Variants in CCSER1 observed in about 807,000 individuals in gnomAD.
CCSER1 encodes serine-rich coiled-coil domain-containing protein 1.
Under a neutral mutation model 82.0 loss-of-function variants are expected in CCSER1, and 41 were observed. That is an observed-to-expected ratio of 0.50 (90% CI 0.39 to 0.65). The LOEUF (loss-of-function observed/expected upper bound fraction) is 0.65, where lower values mean the gene tolerates loss of function less well. CCSER1 is among the 30% of genes least tolerant of loss of function. The pLI is 0.00. For missense variants in CCSER1, 1,119 were observed against 1,064.2 expected (o/e 1.05, Z -0.72); for synonymous variants, 414 against 383.9 (o/e 1.08, Z -0.92).
At chr4:90,475,827 A>G (rs1764996726) in intron 5 of CCSER1, among the ~76,000 whole-genome samples, 1 of 152,116 alleles carries the variant, frequency 6.6e-6, no homozygotes, top group Non-Finnish European at 1.5e-5. Context: ...TTGTGGGCCA[A>G]TTTGCTAGTC....
intron 10 of CCSER1, among the ~76,000 whole-genome samples, chr4:91,270,647 C>T (rs1741954095): frequency 6.6e-6 from 1 of 152,144 alleles, no homozygotes; most frequent in South Asian, 2.1e-4. Context: ...TATACAGACT[C>T]AGAATCTGGT....
intron 3 of CCSER1, among the ~76,000 whole-genome samples, chr4:90,391,485 T>C (rs867613488): frequency 0.026 from 1,997 of 76,386 alleles, 63 homozygotes; most frequent in African/African-American, 0.069. Flanking sequence ...TATATATATA[T>C]ACACACACAC....
At chr4:91,061,282 A>T (rs1188243062) in intron 9 of CCSER1, among the ~76,000 whole-genome samples, 9 of 135,168 alleles carry the variant, frequency 6.7e-5, no homozygotes, top group South Asian at 2.2e-4. Context: ...AATGCAAATT[A>T]AAAAAAAAAA....
At chr4:91,122,707 G>C (rs1727195531) in intron 10 of CCSER1, among the ~76,000 whole-genome samples, 2 of 151,402 alleles carry the variant, frequency 1.3e-5, no homozygotes, top group African/African-American at 4.9e-5. Flanking sequence ...TTATGAAGAA[G>C]GTCAAAAACA....
intron 10 of CCSER1, among the ~76,000 whole-genome samples, chr4:91,231,071 GATTT>G (rs1738589546): frequency 6.6e-6 from 1 of 151,732 alleles, no homozygotes; most frequent in Non-Finnish European, 1.5e-5. Context: ...ATAAAATAAA[GATTT>G]GATTTAGCTA....
chr4:91,171,997 T>A (rs1732809973), intron 10 of CCSER1, among the ~76,000 whole-genome samples: 1 of 152,060 alleles, frequency 6.6e-6, no homozygotes, highest in Admixed American at 6.6e-5. Context: ...TTCTTTATAT[T>A]CAATAAAAAA....
intron 4 of CCSER1, among the ~76,000 whole-genome samples, chr4:90,431,601 G>A (rs1252146298): frequency 6.6e-6 from 1 of 152,048 alleles, no homozygotes; most frequent in African/African-American, 2.4e-5. Context: ...TCTTTCTGTA[G>A]CTAGGAGAGT....
chr4:90,666,641 T>C (rs1484362426), intron 6 of CCSER1, among the ~76,000 whole-genome samples: 2 of 152,166 alleles, frequency 1.3e-5, no homozygotes, highest in African/African-American at 4.8e-5. Flanking sequence ...CAGATTGCCC[T>C]ATCACGTGCT....
At chr4:90,717,356 TA>T (rs1561006190) in intron 6 of CCSER1, among the ~76,000 whole-genome samples, 1 of 152,028 alleles carries the variant, frequency 6.6e-6, no homozygotes, top group Admixed American at 6.6e-5. Context: ...GAATATATTA[TA>T]AAGAAAAAAG....
chr4:91,481,089 C>A (rs1029980123), intron 10 of CCSER1, among the ~76,000 whole-genome samples: 1 of 131,456 alleles, frequency 7.6e-6, no homozygotes, highest in Non-Finnish European at 1.6e-5. Flanking sequence ...CCCCTGCCTT[C>A]CCTTCCCTTC....
At chr4:90,185,937 A>G (rs996503881) in intron 1 of CCSER1, among the ~76,000 whole-genome samples, 21 of 152,188 alleles carry the variant, frequency 1.4e-4, no homozygotes, top group African/African-American at 4.8e-4. Context: ...GCAGGTGTTC[A>G]GTGCGTTCAC....
At chr4:90,604,990 CTGAG>C (rs1784472744) in intron 5 of CCSER1, among the ~76,000 whole-genome samples, 2 of 142,196 alleles carry the variant, frequency 1.4e-5, no homozygotes, top group South Asian at 4.5e-4. Flanking sequence ...GCAGCGGCAA[CTGAG>C]TGAGCTCCGC....
intron 6 of CCSER1, among the ~76,000 whole-genome samples, chr4:90,654,783 A>G (rs1399408): frequency 0.51 from 77,986 of 151,822 alleles, 20,271 homozygotes; most frequent in Middle Eastern, 0.67. Context: ...CCACAGTAGT[A>G]TAAGTATAAG....
intron 5 of CCSER1, among the ~76,000 whole-genome samples, chr4:90,531,857 A>G (rs1041638052): frequency 7.2e-5 from 11 of 152,186 alleles, no homozygotes; most frequent in Non-Finnish European, 1.3e-4. Flanking sequence ...ATGGCACCAA[A>G]TAAGAAATGT....
intron 10 of CCSER1, among the ~76,000 whole-genome samples, chr4:91,436,850 C>T (rs1015426152): frequency 1.2e-4 from 19 of 152,128 alleles, no homozygotes; most frequent in African/African-American, 4.6e-4. Flanking sequence ...ATGTCTCAAA[C>T]ATCCAGAAAA....
intron 1 of CCSER1, among the ~76,000 whole-genome samples, chr4:90,279,039 A>G (rs1310824072): frequency 6.6e-6 from 1 of 152,036 alleles, no homozygotes; most frequent in East Asian, 1.9e-4. Flanking sequence ...TTTATTGCCC[A>G]TGTTTTACAT....
chr4:90,413,866 G>A (rs1298859857), intron 4 of CCSER1, among the ~76,000 whole-genome samples: 4 of 143,968 alleles, frequency 2.8e-5, no homozygotes, highest in Non-Finnish European at 6.0e-5. Flanking sequence ...GGAGAATGGC[G>A]TGAACCCGGG....
chr4:90,471,766 G>A (rs2153590975), intron 5 of CCSER1, among the ~76,000 whole-genome samples: 1 of 151,926 alleles, frequency 6.6e-6, no homozygotes, highest in Non-Finnish European at 1.5e-5. Context: ...CTTGAGGTCA[G>A]GAGTTTGAGA....
intron 5 of CCSER1, among the ~76,000 whole-genome samples, chr4:90,602,901 G>A (rs1398983679): frequency 6.6e-6 from 1 of 152,176 alleles, no homozygotes; most frequent in Non-Finnish European, 1.5e-5. Context: ...AAACAAATCT[G>A]TCCTCTCTCC....
Sources: gnomAD v4.1 joint callset for allele counts (sites outside exome capture counted in the v4.1 genomes callset) on GRCh38, gnomAD v4.1.1 for gene constraint, MANE v1.5 for transcripts, NCBI Gene and HGNC (gene_info 2026-07-23, HGNC 2026-07-21) for gene names.